Variants in BCL2 observed in about 807,000 individuals in gnomAD.
The protein encoded by BCL2 is BCL2 apoptosis regulator, also known as apoptosis regulator Bcl-2.
Under a neutral mutation model 14.2 loss-of-function variants are expected in BCL2, and 1 was observed. The ratio of observed to expected loss-of-function variants is 0.07; its 90% CI spans 0.02 to 0.33. The LOEUF (loss-of-function observed/expected upper bound fraction) is 0.33. Among genes scored for constraint, BCL2 ranks in the 10% least tolerant of loss-of-function variants. BCL2 has a pLI of 0.99. For synonymous variants in BCL2, 151 were observed against 137.2 expected (o/e 1.10, Z -0.70); for missense variants, 247 against 305.9 (o/e 0.81, Z 1.44).
chr18:63,252,095 G>A (rs1394010398), intron 2 of BCL2, among the ~76,000 whole-genome samples: 2 of 152,182 alleles, frequency 1.3e-5, no homozygotes, highest in African/African-American at 4.8e-5. Context: ...CACAAGGATA[G>A]AATTATGTCT....
intron 2 of BCL2, among the ~76,000 whole-genome samples, chr18:63,198,761 TG>T (rs1909558083): frequency 2.0e-4 from 4 of 19,806 alleles, no homozygotes; most frequent in African/African-American, 6.0e-4. Flanking sequence ...AGACACACAC[TG>T]ACACAGAGAC....
In BCL2 at chr18:63,128,722, G is replaced by A; in HGVS notation, c.623C>T (p.Pro208Leu). 1 of 780,942 alleles carries A rather than the reference G, an allele frequency of 1.3e-6. No homozygotes were observed. Among genetic ancestry groups the A allele is most frequent in the Non-Finnish European group, 2.4e-6 (1 of 418,062 alleles). 48.4% of individuals were successfully genotyped at this position (780,942 alleles called of 1,614,324 possible). A position where few individuals can be genotyped will look rare whatever the true frequency, so the allele number is the denominator to read the frequency against. ...FVELYGPSMRPLFDFSWLSLK... is the reference protein window; with the variant it reads ...FVELYGPSMRLLFDFSWLSLK... ...AGACAGCCAGGAGAAATCAAACAGA[G>A]GCCGCATGCTGGGGCCGTACAGTTC... Residue 208 changes from proline to leucine, a missense_variant, in exon 3 of 3, where the codon CCT becomes CTT. Coordinates refer to ENST00000333681, the MANE Select transcript of BCL2 (RefSeq NM_000633.3).
chr18:63,131,077 A>G (rs1208239165), intron 2 of BCL2, among the ~76,000 whole-genome samples: 1 of 152,082 alleles, frequency 6.6e-6, no homozygotes, highest in African/African-American at 2.4e-5. Flanking sequence ...GCTGTTCAAC[A>G]TCCCACAATG....
At chr18:63,174,871 T>C (rs566055804) in intron 2 of BCL2, among the ~76,000 whole-genome samples, 1 of 143,838 alleles carries the variant, frequency 7.0e-6, no homozygotes, top group East Asian at 2.3e-4. Context: ...CTTCCCTCAA[T>C]CTCTCTGTCA....
chr18:63,142,394 C>G (rs1914389008), intron 2 of BCL2, among the ~76,000 whole-genome samples: 1 of 152,234 alleles, frequency 6.6e-6, no homozygotes, highest in Admixed American at 6.5e-5. Context: ...TGCATTAGCT[C>G]CAGGGAGCCC....
chr18:63,286,060 T>A (rs940578233), intron 2 of BCL2, among the ~76,000 whole-genome samples: 2 of 152,214 alleles, frequency 1.3e-5, no homozygotes, highest in African/African-American at 4.8e-5. Flanking sequence ...AAAGGGTCAC[T>A]TGAGGAGCTT....
chr18:63,223,410 A>T (rs1393256451), intron 2 of BCL2, among the ~76,000 whole-genome samples: 1 of 126,976 alleles, frequency 7.9e-6, no homozygotes, highest in Non-Finnish European at 1.8e-5. Context: ...AAAAAAAAAA[A>T]ATAAATAAAG....
Position 63,318,003 on chromosome 18 carries a change from C to A in BCL2, c.585+79G>T, listed in dbSNP as rs760944654. 15 of 1,545,622 alleles carry A rather than the reference C, an allele frequency of 9.7e-6. No individual in the cohort carries two copies. The highest frequency in any genetic ancestry group is 1.3e-5 in the Non-Finnish European group (15 of 1,141,780). ...CCGGCTCCACAGCCTCCCATTGCCC[C>A]AGGAGCCCACCCGCACTCCAACCCC... On this transcript the variant is annotated intron_variant, in intron 2 of 2. Transcript: ENST00000333681. The surrounding 1 kb of genome is among the most constrained non-coding windows in gnomAD (Gnocchi z 7.4).
At chr18:63,174,947 CAT>C (rs1309669834) in intron 2 of BCL2, among the ~76,000 whole-genome samples, 1 of 151,722 alleles carries the variant, frequency 6.6e-6, no homozygotes, top group Non-Finnish European at 1.5e-5. Context: ...CCTAAAAACA[CAT>C]GTCTGCCGTT....
intron 2 of BCL2, among the ~76,000 whole-genome samples, chr18:63,228,496 A>G (rs1175271520): frequency 6.7e-6 from 1 of 150,152 alleles, no homozygotes; most frequent in Non-Finnish European, 1.5e-5. Context: ...CTGACAAATT[A>G]TATATTTTGT....
intron 2 of BCL2, among the ~76,000 whole-genome samples, chr18:63,251,929 C>T (rs113078533): frequency 2.0e-5 from 3 of 152,004 alleles, no homozygotes; most frequent in Admixed American, 6.5e-5. Flanking sequence ...AAACTCCTAA[C>T]CTCAGGTGAT....
Position 63,318,486 on chromosome 18 carries a change from C to T in BCL2, c.181G>A (p.Ala61Thr), listed in dbSNP as rs772554403. The change falls in exon 2 of 3, where the codon GCA (alanine) becomes ACA (threonine). Residue 61 changes from alanine to threonine, a missense_variant. Ala to Thr is a moderately conservative substitution (Grantham distance 58). Coordinates refer to ENST00000333681, the MANE Select transcript of BCL2 (RefSeq NM_000633.3). This position sits in a 1 kb window ranked among gnomAD's most constrained non-coding sequence, Gnocchi z 7.4. ...GTCCTGGCGACCGGGTCCCGGGATG[C>T]GGCTGGATGGGGCGTGTGCCCGGGC... ...SQPGHTPHPA[A>T]SRDPVARTSP... 1.1e-5 allele frequency: 16 copies of T among 1,501,368 alleles called. No homozygotes were observed. Among genetic ancestry groups the T allele is most frequent in the Admixed American group, 9.1e-5 (4 of 43,824 alleles). The allele number at this position is 1,501,368 out of a possible 1,614,324, so 93.0% of individuals were successfully genotyped here. A position where few individuals can be genotyped will look rare whatever the true frequency, so the allele number is the denominator to read the frequency against.
chr18:63,254,624 A>G (rs9972995), intron 2 of BCL2, among the ~76,000 whole-genome samples: 102,830 of 151,904 alleles, frequency 0.68, 36,625 homozygotes, highest in Non-Finnish European at 0.79. Flanking sequence ...AATTATCAAT[A>G]CCAGTTTTTT....
chr18:63,197,979 T>C (rs1186530466), intron 2 of BCL2, among the ~76,000 whole-genome samples: 1 of 152,200 alleles, frequency 6.6e-6, no homozygotes, highest in African/African-American at 2.4e-5. Context: ...TAATATTGTA[T>C]CATAAGGTGG....
chr18:63,158,336 T>G (rs1369693806), intron 2 of BCL2, among the ~76,000 whole-genome samples: 1 of 152,188 alleles, frequency 6.6e-6, no homozygotes, highest in Non-Finnish European at 1.5e-5. Flanking sequence ...AACCTGGTAC[T>G]TTTTACCTGG....
intron 2 of BCL2, among the ~76,000 whole-genome samples, chr18:63,233,444 T>C (rs1335668571): frequency 1.3e-5 from 2 of 152,168 alleles, no homozygotes; most frequent in African/African-American, 4.8e-5. Flanking sequence ...TTTCTGGCAC[T>C]GGTTTAATAG....
chr18:63,244,527 C>G (rs1001636898), intron 2 of BCL2, among the ~76,000 whole-genome samples: 2 of 152,158 alleles, frequency 1.3e-5, no homozygotes, highest in Admixed American at 6.5e-5. Context: ...CCGCTGCACT[C>G]CAGCCTGGGT....
chr18:63,319,770 G>C, upstream of BCL2: 1 of 204,688 alleles, frequency 4.9e-6, no homozygotes, highest in Non-Finnish European at 1.0e-5. Flanking sequence ...GGCGAGGGGT[G>C]GGGAGAAGGA....
intron 2 of BCL2, among the ~76,000 whole-genome samples, chr18:63,173,603 C>A (rs958842562): frequency 6.6e-6 from 1 of 152,012 alleles, no homozygotes; most frequent in Admixed American, 6.6e-5. Flanking sequence ...AAAAACAAAT[C>A]GAAAGAAAAA....
Sources: gnomAD v4.1 joint callset for allele counts (sites outside exome capture counted in the v4.1 genomes callset) on GRCh38, gnomAD v4.1.1 for gene constraint, Gnocchi (gnomAD v3.1) non-coding constraint, MANE v1.5 for transcripts, NCBI Gene and HGNC (gene_info 2026-07-23, HGNC 2026-07-21) for gene names.